PBX3: variants seen among roughly 807,000 people sequenced by gnomAD.
The protein encoded by PBX3 is pre-B-cell leukemia transcription factor 3.
PBX3 carries 14 observed loss-of-function variants against 48.5 expected under a neutral mutation model. The ratio of observed to expected loss-of-function variants is 0.29; its 90% CI spans 0.19 to 0.45. The LOEUF (loss-of-function observed/expected upper bound fraction) is 0.45. Among genes scored for constraint, PBX3 ranks in the 20% least tolerant of loss-of-function variants. PBX3 has a pLI of 1.00. For missense variants in PBX3, 386 were observed against 546.7 expected (o/e 0.71, Z 2.93); for synonymous variants, 210 against 200.3 (o/e 1.05, Z -0.41).
intron 5 of PBX3, among the ~76,000 whole-genome samples, chr9:125,960,285 CA>C (rs1478516735): frequency 6.6e-6 from 1 of 152,066 alleles, no homozygotes; most frequent in African/African-American, 2.4e-5. Flanking sequence ...GTTCTAGACC[CA>C]AAAAAGAAGA....
intron 2 of PBX3, among the ~76,000 whole-genome samples, chr9:125,874,112 T>C (rs1388105901): frequency 6.6e-6 from 1 of 152,190 alleles, no homozygotes; most frequent in African/African-American, 2.4e-5. Flanking sequence ...AATGAAATAT[T>C]GGTAGAAATA....
chr9:125,894,730 G>A lies in PBX3; in HGVS notation c.275-20956G>A, dbSNP rs149060596. Among the ~76,000 whole-genome samples the A allele has an allele frequency of 1.8e-3, 276 of 152,230 alleles. 2 individuals are homozygous for A. The highest frequency in any genetic ancestry group is 6.2e-3 in the African/African-American group (256 of 41,564). ...GCTTGTGGCAAATGATAGTCAGAATGTATGAGCAGTCATAATGCTTCTGTC... is the reference window on the plus strand; with the variant it reads ...GCTTGTGGCAAATGATAGTCAGAATATATGAGCAGTCATAATGCTTCTGTC... On this transcript the variant is annotated intron_variant, in intron 2 of 8. Coordinates refer to ENST00000373489, the MANE Select transcript of PBX3 (RefSeq NM_006195.6).
At chr9:125,790,915 ATTT>A (rs762775562) in intron 2 of PBX3, among the ~76,000 whole-genome samples, 1 of 133,892 alleles carries the variant, frequency 7.5e-6, no homozygotes, top group African/African-American at 2.8e-5. Context: ...TTACCCTAAT[ATTT>A]TTTTTTTTTT....
chr9:125,849,615 A>T (rs1839521868), intron 2 of PBX3, among the ~76,000 whole-genome samples: 1 of 152,058 alleles, frequency 6.6e-6, no homozygotes, highest in Non-Finnish European at 1.5e-5. Context: ...TATAATCAAT[A>T]TCATGTCATA....
At chr9:125,903,514 G>A (rs1424093124) in intron 2 of PBX3, among the ~76,000 whole-genome samples, 3 of 151,642 alleles carry the variant, frequency 2.0e-5, no homozygotes, top group African/African-American at 7.3e-5. Flanking sequence ...CTTTCTAATT[G>A]TCAGTATTTT....
intron 2 of PBX3, among the ~76,000 whole-genome samples, chr9:125,915,129 A>G (rs943157594): frequency 6.6e-6 from 1 of 152,164 alleles, no homozygotes. Context: ...TTACCTCATA[A>G]TGTGTGTATT....
chr9:125,793,725 C>T (rs1330772480), intron 2 of PBX3, among the ~76,000 whole-genome samples: 1 of 152,094 alleles, frequency 6.6e-6, no homozygotes, highest in Non-Finnish European at 1.5e-5. Context: ...CCACTGTGCC[C>T]TGTCAAAGTT....
intron 2 of PBX3, among the ~76,000 whole-genome samples, chr9:125,756,899 A>C (rs929345227): frequency 6.6e-6 from 1 of 152,192 alleles, no homozygotes; most frequent in Non-Finnish European, 1.5e-5. Flanking sequence ...TCCCTGAACT[A>C]GTTAAATCAG....
chr9:125,769,432 A>G (rs1265221654), intron 2 of PBX3, among the ~76,000 whole-genome samples: 1 of 152,224 alleles, frequency 6.6e-6, no homozygotes, highest in Non-Finnish European at 1.5e-5. Flanking sequence ...TGAAATGCTT[A>G]TGTAATATAA....
intron 2 of PBX3, among the ~76,000 whole-genome samples, chr9:125,881,227 C>T (rs1840373582): frequency 6.6e-6 from 1 of 152,192 alleles, no homozygotes; most frequent in African/African-American, 2.4e-5. Flanking sequence ...TTAGCCAGAT[C>T]AAGGGACTTG....
intron 2 of PBX3, among the ~76,000 whole-genome samples, chr9:125,902,693 G>T (rs192196321): frequency 4.6e-5 from 7 of 151,668 alleles, no homozygotes; most frequent in South Asian, 2.1e-4. Context: ...GTGCCAGGGG[G>T]TGCTGTGTGC....
intron 2 of PBX3, among the ~76,000 whole-genome samples, chr9:125,913,783 A>G (rs1267069360): frequency 6.6e-6 from 1 of 152,196 alleles, no homozygotes; most frequent in African/African-American, 2.4e-5. Flanking sequence ...ACATTTCAGG[A>G]GAGGCACCAG....
At chr9:125,753,277 T>C (rs1362744603) in intron 2 of PBX3, among the ~76,000 whole-genome samples, 1 of 123,536 alleles carries the variant, frequency 8.1e-6, no homozygotes, top group Non-Finnish European at 1.8e-5. Context: ...CTTAACTTAA[T>C]ATTTTACCTT....
At chr9:125,843,830 A>C (rs1183870155) in intron 2 of PBX3, 6 of 455,902 alleles carry the variant, frequency 1.3e-5, no homozygotes, top group South Asian at 9.3e-5. Flanking sequence ...ATTACAAGCG[A>C]AAGTGCAGGC....
chr9:125,783,545 C>T (rs1215351535), intron 2 of PBX3, among the ~76,000 whole-genome samples: 1 of 152,122 alleles, frequency 6.6e-6, no homozygotes, highest in Admixed American at 6.6e-5. Flanking sequence ...GCCTCAGCCC[C>T]CAAAGTTCTG....
chr9:125,824,709 C>CT (rs747826192), intron 2 of PBX3, among the ~76,000 whole-genome samples: 16,669 of 139,820 alleles, frequency 0.12, 1,085 homozygotes, highest in South Asian at 0.17. Flanking sequence ...AATCAGTTGG[C>CT]TTTTTTTTTT....
chr9:125,755,797 A>G (rs937006527), intron 2 of PBX3, among the ~76,000 whole-genome samples: 1 of 151,432 alleles, frequency 6.6e-6, no homozygotes, highest in African/African-American at 2.4e-5. Context: ...GATTATTTAA[A>G]TGAAATGTTA....
At chr9:125,882,877 G>A (rs1840413149) in intron 2 of PBX3, among the ~76,000 whole-genome samples, 1 of 152,150 alleles carries the variant, frequency 6.6e-6, no homozygotes, top group African/African-American at 2.4e-5. Context: ...AGAAAATGGG[G>A]AAAAGAACTC....
chr9:125,837,635 G>A (rs1032646497), intron 2 of PBX3, among the ~76,000 whole-genome samples: 4 of 151,944 alleles, frequency 2.6e-5, no homozygotes, highest in Admixed American at 1.3e-4. Flanking sequence ...TTGTTCTGCA[G>A]TTTATTTTCC....
Sources: gnomAD v4.1 joint callset for allele counts (sites outside exome capture counted in the v4.1 genomes callset) on GRCh38, gnomAD v4.1.1 for gene constraint, MANE v1.5 for transcripts, NCBI Gene and HGNC (gene_info 2026-07-23, HGNC 2026-07-21) for gene names.